ZDHHC21: variants seen among roughly 807,000 people sequenced by gnomAD.
ZDHHC21 encodes the protein zDHHC palmitoyltransferase 21.
In ZDHHC21, 15 loss-of-function variants were observed where a neutral mutation model predicts 34.6. The observed-to-expected ratio is 0.43, with a 90% CI of 0.29 to 0.67. The LOEUF (loss-of-function observed/expected upper bound fraction) is 0.67. Ranked by LOEUF, ZDHHC21 falls within the 30% of genes least tolerant of loss-of-function variation. The pLI is 0.14. For missense variants in ZDHHC21, 344 were observed against 327.7 expected (o/e 1.05, Z -0.38); for synonymous variants, 142 against 101.8 (o/e 1.40, Z -2.38).
At chr9:14,589,046 T>C in the ZDHHC21 span, 2 of 150,366 alleles carry the variant, frequency 1.3e-5, no homozygotes, top group East Asian at 1.9e-4. Flanking sequence ...AAAAAAAAAA[T>C]TATGGCTCAT....
intron 8 of ZDHHC21, among the ~76,000 whole-genome samples, chr9:14,635,522 G>A (rs949723426): frequency 6.6e-6 from 1 of 152,212 alleles, no homozygotes; most frequent in East Asian, 1.9e-4. Flanking sequence ...GAGAAAATGG[G>A]ATAACACATT....
intron 8 of ZDHHC21, among the ~76,000 whole-genome samples, chr9:14,638,982 G>C (rs1297904895): frequency 2.0e-5 from 3 of 151,838 alleles, no homozygotes; most frequent in African/African-American, 7.3e-5. Context: ...ACTACCATAA[G>C]ATCCAGCAGT....
chr9:14,651,040 G>A (rs901430625), intron 7 of ZDHHC21, among the ~76,000 whole-genome samples: 6 of 151,930 alleles, frequency 3.9e-5, no homozygotes, highest in African/African-American at 1.4e-4. Flanking sequence ...TCAAAGATTA[G>A]CTGTATAATC....
At chr9:14,626,608 C>G (rs1195542649) in intron 8 of ZDHHC21, among the ~76,000 whole-genome samples, 1 of 151,432 alleles carries the variant, frequency 6.6e-6, no homozygotes, top group East Asian at 1.9e-4. Flanking sequence ...AAAGAGTAGC[C>G]CAATTCCACA....
chr9:14,674,210 T>C lies in ZDHHC21; in HGVS notation c.131A>G (p.His44Arg). ...ACTTATTATTAATATGCCTGGAATATGTCCTTCTTCATAGTGAGGAAAGAG... is the reference window on the plus strand; with the variant it reads ...ACTTATTATTAATATGCCTGGAATACGTCCTTCTTCATAGTGAGGAAAGAG... ...IVLFPHYEEG[H>R]IPGILIIIFY... is the part of the protein sequence containing the mutation. Residue 44 changes from histidine to arginine, a missense_variant, in exon 4 of 10, where the codon CAT (histidine) becomes CGT (arginine). By Grantham distance (29) the His-to-Arg change is conservative. Coordinates refer to ENST00000380916, the MANE Select transcript of ZDHHC21 (RefSeq NM_178566.6). 1.9e-6 allele frequency: 3 copies of C among 1,544,340 alleles called. No individual in the cohort carries two copies. The highest frequency in any genetic ancestry group is 2.6e-6 in the Non-Finnish European group (3 of 1,152,362).
the ZDHHC21 span, among the ~76,000 whole-genome samples, chr9:14,596,405 A>C: frequency 6.6e-6 from 1 of 152,218 alleles, no homozygotes; most frequent in Non-Finnish European, 1.5e-5. Flanking sequence ...GAGTGTGTGT[A>C]AGATGGGTAT....
chr9:14,655,817 G>C (rs1564310443), intron 7 of ZDHHC21, among the ~76,000 whole-genome samples: 1 of 150,936 alleles, frequency 6.6e-6, no homozygotes, highest in African/African-American at 2.4e-5. Context: ...CAAAATACCA[G>C]TTATACTAAG....
At chr9:14,653,516 C>T (rs1319550779) in intron 7 of ZDHHC21, among the ~76,000 whole-genome samples, 1 of 151,900 alleles carries the variant, frequency 6.6e-6, no homozygotes, top group East Asian at 1.9e-4. Flanking sequence ...TAAAGATTTG[C>T]CCTTAAAACC....
At chr9:14,679,372 C>T (rs898116420) in intron 3 of ZDHHC21, among the ~76,000 whole-genome samples, 1 of 152,090 alleles carries the variant, frequency 6.6e-6, no homozygotes, top group Non-Finnish European at 1.5e-5. Context: ...TCCAATGCTT[C>T]TGTTTGAAAT....
downstream of ZDHHC21, among the ~76,000 whole-genome samples, chr9:14,608,087 C>A (rs1564156943): frequency 6.6e-6 from 1 of 152,148 alleles, no homozygotes; most frequent in African/African-American, 2.4e-5. Flanking sequence ...ACCCTTCATA[C>A]TGGTTACTTC....
chr9:14,630,741 A>G (rs1827188020), intron 8 of ZDHHC21, among the ~76,000 whole-genome samples: 1 of 152,216 alleles, frequency 6.6e-6, no homozygotes. Flanking sequence ...TGAAAACAAC[A>G]TTAACCTCCT....
chr9:14,589,690 T>C, the ZDHHC21 span: 56 of 152,194 alleles, frequency 3.7e-4, no homozygotes, highest in Non-Finnish European at 6.5e-4. Context: ...GTTGGAGACA[T>C]TCAAATTGAA....
Position 14,618,726 on chromosome 9 carries a change from A to C in ZDHHC21, c.*240T>G, listed in dbSNP as rs1586871959. On this transcript the variant is annotated 3_prime_UTR_variant, in exon 10 of 10. Coordinates refer to ENST00000380916, the MANE Select transcript of ZDHHC21 (RefSeq NM_178566.6). Reference sequence around the variant, plus strand: ...TTGAGTTTAATAACAAAAGCATTTCAAGAAATCCCTGTGGAAAGCTAATTT... The same window carrying C: ...TTGAGTTTAATAACAAAAGCATTTCCAGAAATCCCTGTGGAAAGCTAATTT... 1.1e-5 allele frequency: 4 copies of C among 356,918 alleles called. No individual in the cohort carries two copies. The East Asian group carries it at 1.7e-4, about 15-fold the overall frequency. 22.1% of individuals were successfully genotyped at this position (356,918 alleles called of 1,614,324 possible). A position where few individuals can be genotyped will look rare whatever the true frequency, so the allele number is the denominator to read the frequency against.
In ZDHHC21 at chr9:14,636,726, A is replaced by T. The variant is rs114031805; in HGVS notation, c.621+3170T>A. 1.6e-3 allele frequency among the ~76,000 whole-genome samples: 251 copies of T among 152,326 alleles called. 1 individual carries two copies. The highest frequency in any genetic ancestry group is 5.6e-3 in the African/African-American group (234 of 41,590). On this transcript the variant is annotated intron_variant, in intron 8 of 9. Coordinates refer to ENST00000380916, the MANE Select transcript of ZDHHC21 (RefSeq NM_178566.6). The stretch of plus-strand genomic sequence containing the variant: ...AAGTATCTTCTGAGACCACAGTGGA[A>T]TAAATCTAAAAATCAATAACAGGAG...
chr9:14,604,820 G>T, the ZDHHC21 span, among the ~76,000 whole-genome samples: 1 of 152,092 alleles, frequency 6.6e-6, no homozygotes, highest in African/African-American at 2.4e-5. Flanking sequence ...CAGAGCTCTA[G>T]AACTTTTTAA....
At chr9:14,595,980 G>C in the ZDHHC21 span, among the ~76,000 whole-genome samples, 1 of 152,170 alleles carries the variant, frequency 6.6e-6, no homozygotes, top group African/African-American at 2.4e-5. Context: ...GCTGGTGGGA[G>C]TGTAAAATGG....
the ZDHHC21 span, among the ~76,000 whole-genome samples, chr9:14,597,866 C>A: frequency 6.6e-6 from 1 of 152,130 alleles, no homozygotes; most frequent in Non-Finnish European, 1.5e-5. Context: ...AACACCCAGA[C>A]ACATCATCTG....
At chr9:14,610,966 C>T (rs1823208510), downstream of ZDHHC21, 1 of 151,924 alleles carries the variant, frequency 6.6e-6, no homozygotes, top group Non-Finnish European at 1.5e-5. Flanking sequence ...TAATTATCCA[C>T]ATTGTATAAA....
intron 6 of ZDHHC21, among the ~76,000 whole-genome samples, chr9:14,661,447 T>C (rs1444926543): frequency 1.3e-5 from 2 of 152,200 alleles, no homozygotes; most frequent in African/African-American, 2.4e-5. Context: ...CATATATGTA[T>C]ACAGATACAT....
Sources: allele counts gnomAD v4.1 joint callset (sites outside exome capture counted in the v4.1 genomes callset), GRCh38; gene constraint gnomAD v4.1.1; transcripts MANE v1.5; gene names NCBI Gene and HGNC (gene_info 2026-07-23, HGNC 2026-07-21).